Variants in EIF3I observed in about 807,000 individuals in gnomAD.
The protein encoded by EIF3I is eukaryotic translation initiation factor 3 subunit I.
Under a neutral mutation model 43.3 loss-of-function variants are expected in EIF3I, and 20 were observed. That is an observed-to-expected ratio of 0.46 (90% CI 0.32 to 0.67). EIF3I has a LOEUF of 0.67. Ranked by LOEUF, EIF3I falls within the 30% of genes least tolerant of loss-of-function variation. The pLI, the probability that EIF3I is intolerant of heterozygous loss-of-function variation, is 0.03. For synonymous variants in EIF3I, 167 were observed against 151.7 expected (o/e 1.10, Z -0.74); for missense variants, 279 against 421.4 (o/e 0.66, Z 2.96).
intron 4 of EIF3I, among the ~76,000 whole-genome samples, chr1:32,225,729 CAAA>C (rs1052745445): frequency 7.5e-6 from 1 of 132,572 alleles, no homozygotes; most frequent in African/African-American, 2.8e-5. Context: ...AACTCCATCT[CAAA>C]AAAAAAAAGG....
intron 10 of EIF3I, 61 bp from the exon 10 acceptor site, chr1:32,230,866 C>T: frequency 8.1e-7 from 1 of 1,230,594 alleles, no homozygotes; most frequent in Non-Finnish European, 1.2e-6. Context: ...TGGGGAGTGC[C>T]ACCTCCAAAG....
At position 32,225,729 on chromosome 1, in the gene EIF3I, CA is replaced by C. The variant is rs1052745445; in HGVS notation, c.251-431del. ...GCAGGACAAGAGCGAAACTCCATCT[CA>C]AAAAAAAAAAGGCCGGGCGCGGTGG... is the stretch of plus-strand genomic sequence containing the variant. On this transcript the variant is annotated intron_variant, in intron 4 of 11. Coordinates refer to ENST00000676679, the Ensembl canonical transcript of EIF3I. Among the ~76,000 whole-genome samples, 641 of 132,296 alleles carry C rather than the reference CA, an allele frequency of 4.8e-3. 4 individuals carry two copies. The highest frequency in any genetic ancestry group is 0.015 in the African/African-American group (540 of 35,800). The allele number at this position is 132,296 out of a possible 152,430, so 86.8% of individuals were successfully genotyped here. A position where few individuals can be genotyped will look rare whatever the true frequency, so the allele number is the denominator to read the frequency against.
chr1:32,222,934 C>T (rs1639052039), intron 2 of EIF3I, among the ~76,000 whole-genome samples: 1 of 152,116 alleles, frequency 6.6e-6, no homozygotes, highest in Admixed American at 6.5e-5. Flanking sequence ...CATCTCTACA[C>T]ACAAAAAAAT....
exon 12 of EIF3I, chr1:32,231,143 G>A (rs1639229180): frequency 1.9e-6 from 3 of 1,614,066 alleles, no homozygotes; most frequent in Non-Finnish European, 1.7e-6. Flanking sequence ...AGATGGTTAC[G>A]TCCGTATCCA....
chr1:32,228,644 C>T (rs1639186526), intron 7 of EIF3I, 35 bp downstream of exon 7: 10 of 1,606,012 alleles, frequency 6.2e-6, no homozygotes, highest in Non-Finnish European at 8.5e-6. Flanking sequence ...GGGCTGCTCC[C>T]TCCCTCCGGC....
chr1:32,232,518 T>C (rs1363791227), downstream of EIF3I, among the ~76,000 whole-genome samples: 1 of 152,008 alleles, frequency 6.6e-6, no homozygotes, highest in East Asian at 1.9e-4. Context: ...ACAGCCAACA[T>C]GGGGAGAACG....
At chr1:32,233,154 C>T (rs959913034), downstream of EIF3I, among the ~76,000 whole-genome samples, 6 of 152,042 alleles carry the variant, frequency 3.9e-5, no homozygotes, top group Non-Finnish European at 7.4e-5. Context: ...CCAACACGCC[C>T]GGCTAATTAT....
At position 32,222,518 on chromosome 1, in the gene EIF3I, T is replaced by C; in HGVS notation, c.4-20T>C. 1.3e-5 allele frequency: 21 copies of C among 1,614,074 alleles called. No homozygotes were observed. Among genetic ancestry groups the C allele is most frequent in the Non-Finnish European group, 1.8e-5 (21 of 1,179,942 alleles). On this transcript the variant is annotated intron_variant, in intron 1 of 11. Transcript: ENST00000676679. ...TGGGGCCCAATTCCGAGCACTGACGTTACTGTCTTGTCCCCACAGAAGCCG... is the reference window on the plus strand; with the variant it reads ...TGGGGCCCAATTCCGAGCACTGACGCTACTGTCTTGTCCCCACAGAAGCCG...
chr1:32,228,682 C>T (rs756742463), intron 7 of EIF3I, 45 bp from the exon 8 acceptor site: 6 of 1,604,208 alleles, frequency 3.7e-6, no homozygotes, highest in Admixed American at 1.7e-5. Context: ...CCGACTTCCC[C>T]CAGGAAAGCT....
At chr1:32,231,725 C>T (rs1639240227), downstream of EIF3I, 1 of 154,440 alleles carries the variant, frequency 6.5e-6, no homozygotes, top group African/African-American at 2.4e-5. Context: ...ACTTAAGACC[C>T]TCAGTACTTT....
chr1:32,226,334 A>G lies in EIF3I; in HGVS notation c.400+14A>G, dbSNP rs1404386311. 2 of 1,614,118 alleles carry G rather than the reference A, an allele frequency of 1.2e-6. No homozygotes were observed. Among genetic ancestry groups the G allele is most frequent in the African/African-American group, 1.3e-5 (1 of 75,052 alleles). ...CGAGCCAGATTGGTGAGGGCTGGGA[A>G]TAGGGCTGGGGTTGAGGTAAAGGGT... On this transcript the variant is annotated intron_variant, in intron 5 of 11. Coordinates refer to ENST00000676679, the Ensembl canonical transcript of EIF3I.
At chr1:32,223,292 A>AT in intron 2 of EIF3I, among the ~76,000 whole-genome samples, 1 of 151,744 alleles carries the variant, frequency 6.6e-6, no homozygotes. Context: ...ATTTTATTTT[A>AT]TTTTTTCTTG....
chr1:32,224,176 G>C (rs1639100291), intron 3 of EIF3I, 55 bp downstream of exon 3: 1 of 1,574,962 alleles, frequency 6.3e-7, no homozygotes. Context: ...GCGATGGAGA[G>C]GCTGAGTTGG....
chr1:32,226,438 G>T, exon 6 of EIF3I: 2 of 1,604,114 alleles, frequency 1.2e-6, no homozygotes, highest in South Asian at 1.1e-5. Context: ...CCCTTGCAAT[G>T]ACTCTAAAAT....
At chr1:32,234,827 G>A (rs1364819731), downstream of EIF3I, 1 of 152,280 alleles carries the variant, frequency 6.6e-6, no homozygotes, top group Non-Finnish European at 1.5e-5. Context: ...TCAGCCCCAT[G>A]TACCAGGCCA....
downstream of EIF3I, chr1:32,234,430 G>T (rs1243044777): frequency 6.6e-6 from 1 of 152,624 alleles, no homozygotes; most frequent in Non-Finnish European, 1.5e-5. Flanking sequence ...GCAGAGGAAG[G>T]TGCCAAAAGA....
chr1:32,233,210 A>G (rs1310832539), downstream of EIF3I, among the ~76,000 whole-genome samples: 1 of 151,974 alleles, frequency 6.6e-6, no homozygotes, highest in East Asian at 1.9e-4. Context: ...GCTGGAGTGC[A>G]GTGGTGGGAT....
chr1:32,228,620 G>A lies in EIF3I; in HGVS notation c.639+11G>A, dbSNP rs775426177. 6.2e-7 allele frequency: 1 copy of A among 1,613,272 alleles called. No individual in the cohort carries two copies. The highest frequency in any genetic ancestry group is 1.1e-5 in the South Asian group (1 of 91,070). ...GACAACACAGCCAAGGTGAGCCTGG[G>A]CAGCGGTCTGGCAGGGCTGCTCCCT... On this transcript the variant is annotated intron_variant, in intron 7 of 11. Transcript: ENST00000676679.
At chr1:32,224,226 G>T (rs773312876) in intron 3 of EIF3I, 105 bp downstream of exon 3, 31 of 1,189,264 alleles carry the variant, frequency 2.6e-5, no homozygotes, top group Non-Finnish European at 3.8e-5. Flanking sequence ...CCTAGAGAAC[G>T]ATACCTCCTA....
Sources: gnomAD v4.1 joint callset for allele counts (sites outside exome capture counted in the v4.1 genomes callset) on GRCh38, gnomAD v4.1.1 for gene constraint, MANE v1.5 for transcripts, NCBI Gene and HGNC (gene_info 2026-07-23, HGNC 2026-07-21) for gene names.